PALLD: variants seen among roughly 807,000 people sequenced by gnomAD.
PALLD encodes the protein palladin.
A neutral mutation model predicts 123.5 loss-of-function variants in PALLD; 61 were observed. The observed-to-expected ratio is 0.49, with a 90% CI of 0.40 to 0.61. The LOEUF (loss-of-function observed/expected upper bound fraction) is 0.61, where lower values mean the gene tolerates loss of function less well. Among genes scored for constraint, PALLD ranks in the 20% least tolerant of loss-of-function variants. The probability of loss-of-function intolerance (pLI) is 0.00; values close to 1 mark genes in which losing one functional copy is unlikely to be tolerated. For missense variants in PALLD, 1,273 were observed against 1,377.0 expected, an observed-to-expected ratio of 0.92 and a Z score of 1.20; for synonymous variants, 465 against 496.4, an observed-to-expected ratio of 0.94 and a Z score of 0.84.
chr4:168,659,848 T>C (rs1194848844), intron 2 of PALLD, among the ~76,000 whole-genome samples: 2 of 152,328 alleles, frequency 1.3e-5, no homozygotes, highest in South Asian at 4.1e-4. Flanking sequence ...CAAAAGAAAC[T>C]GTCACTCATA....
chr4:168,709,550 GGAAGGAAGGAAGGAAGGA>G (rs1784556029), intron 9 of PALLD, among the ~76,000 whole-genome samples: 12 of 496 alleles, frequency 0.024, no homozygotes, highest in Non-Finnish European at 0.044. Flanking sequence ...AAGGAAGGAA[GGAAGGAAGGAAGGAAGGA>G]AGGAAGGAAG....
chr4:168,617,082 C>T (rs1319611312), intron 2 of PALLD, among the ~76,000 whole-genome samples: 2 of 152,140 alleles, frequency 1.3e-5, no homozygotes, highest in Admixed American at 6.5e-5. Context: ...GGCATCATGG[C>T]TGGCACTCAA....
chr4:168,918,189 A>G (rs1486246380), intron 17 of PALLD, among the ~76,000 whole-genome samples: 6 of 150,094 alleles, frequency 4.0e-5, no homozygotes, highest in African/African-American at 1.5e-4. Flanking sequence ...CGTCTCCCCC[A>G]CAAAAAAAAA....
intron 2 of PALLD, among the ~76,000 whole-genome samples, chr4:168,645,183 C>T (rs549484599): frequency 5.9e-5 from 9 of 152,008 alleles, no homozygotes; most frequent in African/African-American, 2.2e-4. Context: ...AATTATGTAG[C>T]CTTTTTGACC....
intron 2 of PALLD, among the ~76,000 whole-genome samples, chr4:168,657,661 T>C (rs746174718): frequency 6.6e-6 from 1 of 152,190 alleles, no homozygotes; most frequent in African/African-American, 2.4e-5. Context: ...AGCGGGAAGC[T>C]TGCATGGGTG....
intron 10 of PALLD, among the ~76,000 whole-genome samples, chr4:168,887,556 G>A (rs1467061665): frequency 6.6e-6 from 1 of 152,190 alleles, no homozygotes; most frequent in Admixed American, 6.5e-5. Context: ...GCACATAGTT[G>A]TTCTATGGTC....
At chr4:168,746,795 C>A (rs1034610116) in intron 10 of PALLD, among the ~76,000 whole-genome samples, 2 of 152,102 alleles carry the variant, frequency 1.3e-5, no homozygotes, top group Non-Finnish European at 2.9e-5. Flanking sequence ...TTGTAAAGAT[C>A]CTGCTTAGAA....
At position 168,650,558 on chromosome 4, in the gene PALLD, G is replaced by A. The variant is rs114132438; in HGVS notation, c.909-17632G>A. ...ATTCTTGTCTTTCCTGTGTCTTTGT[G>A]TCCTTTTGTGAGTAAATTAAGCACA... On this transcript the variant is annotated intron_variant, in intron 2 of 21. Transcript: ENST00000505667. 9.4e-3 allele frequency among the ~76,000 whole-genome samples: 1,426 copies of A among 152,244 alleles called. 16 individuals carry two copies. The highest frequency in any genetic ancestry group is 0.032 in the African/African-American group (1,340 of 41,536).
chr4:168,691,462 G>A (rs1782623673), intron 8 of PALLD, among the ~76,000 whole-genome samples, 170 bp downstream of exon 8: 1 of 152,122 alleles, frequency 6.6e-6, no homozygotes, highest in South Asian at 2.1e-4. Flanking sequence ...TTATCATGGA[G>A]TCTGTACACT....
chr4:168,799,550 G>A (rs1739011495), intron 10 of PALLD, among the ~76,000 whole-genome samples: 1 of 152,168 alleles, frequency 6.6e-6, no homozygotes, highest in Non-Finnish European at 1.5e-5. Flanking sequence ...TGGAATTCAA[G>A]TCCCATAGCT....
chr4:168,670,686 T>C (rs1393912499), intron 3 of PALLD, among the ~76,000 whole-genome samples: 1 of 143,678 alleles, frequency 7.0e-6, no homozygotes, highest in East Asian at 2.0e-4. Context: ...TGAGCCGAGA[T>C]TGCGCCACTG....
chr4:168,698,152 G>T (rs1450677358), intron 8 of PALLD, among the ~76,000 whole-genome samples: 1 of 152,156 alleles, frequency 6.6e-6, no homozygotes. Flanking sequence ...TTACTTATTT[G>T]TGTGATCTAA....
At chr4:168,584,333 G>A (rs377524025) in intron 2 of PALLD, among the ~76,000 whole-genome samples, 29 of 152,166 alleles carry the variant, frequency 1.9e-4, no homozygotes, top group Admixed American at 7.2e-4. Flanking sequence ...TACAGTGTGC[G>A]TTAAGAATGC....
chr4:168,897,560 C>G (rs765897854), intron 13 of PALLD, among the ~76,000 whole-genome samples: 30 of 152,158 alleles, frequency 2.0e-4, no homozygotes, highest in Non-Finnish European at 4.4e-4. Context: ...GATCCTCCCA[C>G]CTCAGCCTCC....
At chr4:168,701,997 T>C (rs1783719168) in intron 8 of PALLD, among the ~76,000 whole-genome samples, 1 of 152,214 alleles carries the variant, frequency 6.6e-6, no homozygotes, top group African/African-American at 2.4e-5. Context: ...CCAATGTGTC[T>C]TATACCTCAG....
chr4:168,710,990 TA>T (rs1279522448), intron 9 of PALLD, among the ~76,000 whole-genome samples: 2 of 152,172 alleles, frequency 1.3e-5, no homozygotes, highest in Non-Finnish European at 2.9e-5. Flanking sequence ...GTGCAGAATC[TA>T]AAAAAGACGT....
intron 10 of PALLD, chr4:168,832,251 G>A (rs1383242714): frequency 8.8e-6 from 8 of 912,556 alleles, no homozygotes; most frequent in African/African-American, 1.8e-5. Context: ...GGTGGGCCGC[G>A]AGTCGGGAGT....
At chr4:168,694,635 T>C (rs1223876183) in intron 8 of PALLD, among the ~76,000 whole-genome samples, 1 of 152,226 alleles carries the variant, frequency 6.6e-6, no homozygotes, top group East Asian at 1.9e-4. Flanking sequence ...TACCTAGATA[T>C]AGCCCCATTA....
At chr4:168,761,415 ATATAT>A (rs1285591999) in intron 10 of PALLD, among the ~76,000 whole-genome samples, 1 of 152,136 alleles carries the variant, frequency 6.6e-6, no homozygotes, top group Non-Finnish European at 1.5e-5. Context: ...TTTACATGAA[ATATAT>A]TATATATGGC....
Sources: allele counts gnomAD v4.1 joint callset (sites outside exome capture counted in the v4.1 genomes callset), GRCh38; gene constraint gnomAD v4.1.1; transcripts MANE v1.5; gene names NCBI Gene and HGNC (gene_info 2026-07-23, HGNC 2026-07-21).